TAMM41: variants seen among roughly 807,000 people sequenced by gnomAD.
TAMM41 encodes the protein phosphatidate cytidylyltransferase, mitochondrial.
A neutral mutation model predicts 44.1 loss-of-function variants in TAMM41; 36 were observed. The ratio of observed to expected loss-of-function variants is 0.82; its 90% CI spans 0.63 to 1.08. The LOEUF is 1.08. Among genes scored for constraint, TAMM41 ranks in the 50% least tolerant of loss-of-function variants. The probability of loss-of-function intolerance (pLI) is 0.00; values close to 1 mark genes in which losing one functional copy is unlikely to be tolerated. For missense variants in TAMM41, 417 were observed against 404.3 expected, an observed-to-expected ratio of 1.03 and a Z score of -0.27; for synonymous variants, 164 against 153.1, an observed-to-expected ratio of 1.07 and a Z score of -0.53.
intron 3 of TAMM41, chr3:11,830,881 C>CA (rs10664269): frequency 0.39 from 54,479 of 138,556 alleles, 11,518 homozygotes; most frequent in Non-Finnish European, 0.5. Flanking sequence ...GACCCTGTCT[C>CA]AAAAAAAAAA....
the TAMM41 span, among the ~76,000 whole-genome samples, chr3:11,735,455 G>A: frequency 6.6e-6 from 1 of 151,772 alleles, no homozygotes; most frequent in African/African-American, 2.4e-5. Flanking sequence ...GCAACATGAC[G>A]AAACCCCATC....
At chr3:11,807,673 G>A in intron 7 of TAMM41, 160 bp downstream of exon 7, 1 of 1,536,298 alleles carries the variant, frequency 6.5e-7, no homozygotes, top group Non-Finnish European at 8.7e-7. Flanking sequence ...TTCTGCTGCT[G>A]TTATGCCTGT....
chr3:11,829,899 A>G (rs1489568433), intron 3 of TAMM41, 35 bp from the exon 4 acceptor site: 17 of 1,605,520 alleles, frequency 1.1e-5, no homozygotes, highest in Non-Finnish European at 1.4e-5. Flanking sequence ...GAAAAATTCC[A>G]GAAGTGGAGT....
At chr3:11,775,455 C>G in the TAMM41 span, among the ~76,000 whole-genome samples, 10 of 152,196 alleles carry the variant, frequency 6.6e-5, no homozygotes, top group Non-Finnish European at 1.5e-4. Context: ...TGGCCAGGAC[C>G]TAGCCATTCT....
the TAMM41 span, among the ~76,000 whole-genome samples, chr3:11,743,068 G>C: frequency 1.8e-4 from 28 of 152,330 alleles, no homozygotes; most frequent in Admixed American, 1.3e-3. Context: ...GAAGTGAGCA[G>C]TGTGAGGAAG....
chr3:11,837,070 T>C (rs1321620790), intron 3 of TAMM41, among the ~76,000 whole-genome samples: 1 of 152,192 alleles, frequency 6.6e-6, no homozygotes, highest in Admixed American at 6.5e-5. Flanking sequence ...TCTGGACATT[T>C]TAAGGAGCTA....
chr3:11,795,206 A>G (rs2077575687), intron 7 of TAMM41, among the ~76,000 whole-genome samples: 1 of 152,202 alleles, frequency 6.6e-6, no homozygotes, highest in Non-Finnish European at 1.5e-5. Flanking sequence ...GAAGCTAGAG[A>G]GGTAAACAGG....
chr3:11,817,932 T>C (rs1439862437), intron 4 of TAMM41, among the ~76,000 whole-genome samples: 1 of 152,246 alleles, frequency 6.6e-6, no homozygotes, highest in Admixed American at 6.5e-5. Flanking sequence ...TACATTTGCC[T>C]ATGGGATGAA....
chr3:11,741,216 C>CAAAAAAA, the TAMM41 span, among the ~76,000 whole-genome samples: 105 of 61,768 alleles, frequency 1.7e-3, 5 homozygotes, highest in African/African-American at 6.0e-3. Flanking sequence ...GACACCGTCT[C>CAAAAAAA]AAAAAAAAAA....
At chr3:11,758,325 C>T in the TAMM41 span, among the ~76,000 whole-genome samples, 2 of 151,572 alleles carry the variant, frequency 1.3e-5, no homozygotes, top group African/African-American at 2.4e-5. Context: ...CAACATGATC[C>T]GATCTGTGGG....
chr3:11,826,286 C>A lies in TAMM41; in HGVS notation c.562+3428G>T, dbSNP rs189926072. Among the ~76,000 whole-genome samples, 419 of 152,272 alleles carry A rather than the reference C, an allele frequency of 2.8e-3. 1 individual carries two copies. Among genetic ancestry groups the A allele is most frequent in the African/African-American group, 9.6e-3 (397 of 41,552 alleles). ...CAGTGGCCCACACCTATAATCCCAGCACTCGGGGAGGCCGAGGCGGGAGGA... is the reference window on the plus strand; with the variant it reads ...CAGTGGCCCACACCTATAATCCCAGAACTCGGGGAGGCCGAGGCGGGAGGA... On this transcript the variant is annotated intron_variant, in intron 4 of 7. Transcript: ENST00000455809.
At chr3:11,765,862 C>T in the TAMM41 span, among the ~76,000 whole-genome samples, 5 of 151,998 alleles carry the variant, frequency 3.3e-5, no homozygotes, top group South Asian at 4.2e-4. Context: ...CCACCACACC[C>T]GGCTAATTTT....
chr3:11,809,420 G>T, intron 6 of TAMM41, 97 bp downstream of exon 6: 1 of 1,440,194 alleles, frequency 6.9e-7, no homozygotes, highest in Non-Finnish European at 9.5e-7. Context: ...TCTCTATCTC[G>T]CTAAACAAAA....
the TAMM41 span, among the ~76,000 whole-genome samples, chr3:11,725,228 T>C: frequency 3.0e-4 from 41 of 136,442 alleles, no homozygotes; most frequent in African/African-American, 9.9e-4. Flanking sequence ...CTCCCTCTCC[T>C]CCTTCTCCTT....
chr3:11,727,433 A>C, the TAMM41 span, among the ~76,000 whole-genome samples: 1 of 152,148 alleles, frequency 6.6e-6, no homozygotes. Flanking sequence ...TTCACAGTGC[A>C]CTGAGAAGCA....
intron 7 of TAMM41, among the ~76,000 whole-genome samples, chr3:11,800,547 T>TAA (rs60989120): frequency 6.9e-6 from 1 of 145,412 alleles, no homozygotes; most frequent in Non-Finnish European, 1.5e-5. Context: ...CAAAAACAGT[T>TAA]AAAAAAAAAA....
At chr3:11,728,774 C>T in the TAMM41 span, among the ~76,000 whole-genome samples, 104 of 152,196 alleles carry the variant, frequency 6.8e-4, 1 homozygote, top group Middle Eastern at 6.8e-3. Context: ...TTTGGGAGGC[C>T]GAGGCGGGCG....
chr3:11,738,596 G>T, the TAMM41 span, among the ~76,000 whole-genome samples: 3 of 152,108 alleles, frequency 2.0e-5, no homozygotes, highest in Admixed American at 6.6e-5. Flanking sequence ...GTGCTCAGAG[G>T]GAGTTGCTGT....
At chr3:11,746,791 T>C in the TAMM41 span, among the ~76,000 whole-genome samples, 1 of 149,656 alleles carries the variant, frequency 6.7e-6, no homozygotes, top group Non-Finnish European at 1.5e-5. Context: ...CACATCACCA[T>C]GCCCAGCTAA....
Sources: allele counts gnomAD v4.1 joint callset (sites outside exome capture counted in the v4.1 genomes callset), GRCh38; gene constraint gnomAD v4.1.1; transcripts MANE v1.5; gene names NCBI Gene and HGNC (gene_info 2026-07-23, HGNC 2026-07-21).